The following CTNND2 variants were observed in gnomAD, a reference collection of about 807,000 sequenced individuals.
CTNND2 encodes catenin delta 2.
A neutral mutation model predicts 144.4 loss-of-function variants in CTNND2; 22 were observed. The ratio of observed to expected loss-of-function variants is 0.15; its 90% CI spans 0.11 to 0.22. The LOEUF (loss-of-function observed/expected upper bound fraction) is 0.22, where lower values mean the gene tolerates loss of function less well. Ranked by LOEUF, CTNND2 falls within the 10% of genes least tolerant of loss-of-function variation. The pLI, the probability that CTNND2 is intolerant of heterozygous loss-of-function variation, is 1.00. For missense variants in CTNND2, 1,353 were observed against 1,618.8 expected (o/e 0.84, Z 2.82); for synonymous variants, 751 against 695.6 (o/e 1.08, Z -1.25).
In CTNND2 at chr5:11,032,780, C is replaced by A. The variant is rs1397609278; in HGVS notation, c.2789-9801G>T. On this transcript the variant is annotated intron_variant, in intron 16 of 21. Coordinates refer to ENST00000304623, the MANE Select transcript of CTNND2 (RefSeq NM_001332.4). ...TCAAAAGGTTCTATATTGTAAGATA[C>A]CACTTATATAACATTCTTGAAATAA... is the stretch of plus-strand genomic sequence containing the variant. Among the ~76,000 whole-genome samples the A allele has an allele frequency of 2.0e-5, 3 of 152,146 alleles. No individual in the cohort carries two copies. In the East Asian group the frequency reaches 5.8e-4, roughly 29 times the overall value.
At chr5:11,318,744 C>T (rs183364141) in intron 9 of CTNND2, among the ~76,000 whole-genome samples, 19 of 152,074 alleles carry the variant, frequency 1.2e-4, no homozygotes, top group East Asian at 3.9e-4. Context: ...CTCTTTCTTC[C>T]GCCCCACCAA....
chr5:11,262,544 C>T (rs1247243215), intron 9 of CTNND2, among the ~76,000 whole-genome samples: 8 of 151,804 alleles, frequency 5.3e-5, no homozygotes, highest in Admixed American at 3.3e-4. Context: ...GGGTGGATCA[C>T]GAGGTCAGGA....
intron 1 of CTNND2, among the ~76,000 whole-genome samples, chr5:11,885,449 T>G (rs138625297): frequency 5.3e-5 from 8 of 152,248 alleles, no homozygotes; most frequent in African/African-American, 1.9e-4. Flanking sequence ...AAAAAGAGAC[T>G]AACAAGATCC....
chr5:11,775,055 G>A (rs1360577141), intron 1 of CTNND2, among the ~76,000 whole-genome samples: 1 of 152,086 alleles, frequency 6.6e-6, no homozygotes. Context: ...GAGCTGGGCG[G>A]GGGGGCGGTG....
intron 1 of CTNND2, among the ~76,000 whole-genome samples, chr5:11,855,200 G>T (rs962335047): frequency 6.6e-6 from 1 of 152,178 alleles, no homozygotes; most frequent in Admixed American, 6.5e-5. Flanking sequence ...CCCACAGGTT[G>T]AAACAGGGAC....
chr5:11,849,857 A>G (rs998431209), intron 1 of CTNND2, among the ~76,000 whole-genome samples: 1 of 152,154 alleles, frequency 6.6e-6, no homozygotes, highest in African/African-American at 2.4e-5. Flanking sequence ...ATGGCCAGGA[A>G]CCCAGAATGG....
chr5:11,679,451 G>A (rs765186863), intron 2 of CTNND2, among the ~76,000 whole-genome samples: 3 of 152,270 alleles, frequency 2.0e-5, no homozygotes, highest in Admixed American at 6.5e-5. Flanking sequence ...CTTTAGGCCC[G>A]TTATGCTGGA....
intron 1 of CTNND2, among the ~76,000 whole-genome samples, chr5:11,798,747 C>T (rs1241854171): frequency 1.3e-5 from 2 of 152,026 alleles, no homozygotes; most frequent in African/African-American, 4.8e-5. Flanking sequence ...AGCCTGGGGA[C>T]AGAGTGAGAC....
intron 1 of CTNND2, among the ~76,000 whole-genome samples, chr5:11,864,462 G>A (rs938920903): frequency 7.2e-5 from 11 of 152,248 alleles, no homozygotes; most frequent in Non-Finnish European, 1.3e-4. Context: ...AGTTAAAATT[G>A]TATCTCAAAG....
chr5:11,854,220 T>A (rs1392351111), intron 1 of CTNND2, among the ~76,000 whole-genome samples: 1 of 152,182 alleles, frequency 6.6e-6, no homozygotes, highest in Non-Finnish European at 1.5e-5. Context: ...CTCCCTCACC[T>A]CCTTTACTTG....
chr5:11,058,523 G>A (rs1470989311), intron 16 of CTNND2, among the ~76,000 whole-genome samples: 10 of 152,338 alleles, frequency 6.6e-5, no homozygotes, highest in Admixed American at 3.9e-4. Flanking sequence ...GCATGGAAAC[G>A]CCTGGATGTC....
At chr5:11,728,247 T>C (rs905342645) in intron 2 of CTNND2, among the ~76,000 whole-genome samples, 2 of 151,256 alleles carry the variant, frequency 1.3e-5, no homozygotes, top group Non-Finnish European at 2.9e-5. Flanking sequence ...CCGAGGCTGG[T>C]GGGTCATGAG....
At chr5:11,049,643 G>C (rs1000094781) in intron 16 of CTNND2, among the ~76,000 whole-genome samples, 1 of 152,110 alleles carries the variant, frequency 6.6e-6, no homozygotes, top group African/African-American at 2.4e-5. Flanking sequence ...TCATTACAAG[G>C]CTTCTTGAAA....
intron 10 of CTNND2, among the ~76,000 whole-genome samples, chr5:11,211,268 C>A (rs1381296515): frequency 6.6e-6 from 1 of 152,080 alleles, no homozygotes; most frequent in Non-Finnish European, 1.5e-5. Context: ...AAAAGAGAGG[C>A]AGTGGGGCTG....
At chr5:11,780,649 G>C (rs1485792130) in intron 1 of CTNND2, among the ~76,000 whole-genome samples, 1 of 152,196 alleles carries the variant, frequency 6.6e-6, no homozygotes, top group Non-Finnish European at 1.5e-5. Flanking sequence ...AAGATCCCTA[G>C]AGCCACATCC....
At chr5:11,016,801 C>T (rs552484916) in intron 18 of CTNND2, among the ~76,000 whole-genome samples, 12 of 152,034 alleles carry the variant, frequency 7.9e-5, no homozygotes, top group African/African-American at 2.7e-4. Flanking sequence ...GATGGAGTCT[C>T]GCTCTGTTGC....
At chr5:11,336,998 G>A (rs1324793894) in intron 9 of CTNND2, among the ~76,000 whole-genome samples, 1 of 152,136 alleles carries the variant, frequency 6.6e-6, no homozygotes, top group East Asian at 1.9e-4. Flanking sequence ...TCTGGTGAGG[G>A]TTCCACAACG....
At chr5:10,979,051 G>A (rs1348542097) in intron 21 of CTNND2, among the ~76,000 whole-genome samples, 3 of 152,216 alleles carry the variant, frequency 2.0e-5, no homozygotes, top group Non-Finnish European at 4.4e-5. Context: ...GGCTGGTGCA[G>A]AGGGAGCTGG....
At chr5:11,708,118 C>G (rs1160731729) in intron 2 of CTNND2, among the ~76,000 whole-genome samples, 1 of 151,308 alleles carries the variant, frequency 6.6e-6, no homozygotes, top group African/African-American at 2.4e-5. Flanking sequence ...GTGTTCTTGG[C>G]TCACTACAAC....
Sources: gnomAD v4.1 joint callset for allele counts (sites outside exome capture counted in the v4.1 genomes callset) on GRCh38, gnomAD v4.1.1 for gene constraint, MANE v1.5 for transcripts, NCBI Gene and HGNC (gene_info 2026-07-23, HGNC 2026-07-21) for gene names.